Variants in BZW2 observed in about 807,000 individuals in gnomAD.
BZW2 encodes eIF5-mimic protein 1.
In BZW2, 23 loss-of-function variants were observed where a neutral mutation model predicts 53.2. That is an observed-to-expected ratio of 0.43 (90% CI 0.31 to 0.61). The LOEUF is 0.61. Ranked by LOEUF, BZW2 falls within the 20% of genes least tolerant of loss-of-function variation. The pLI, the probability that BZW2 is intolerant of heterozygous loss-of-function variation, is 0.09. For missense variants in BZW2, 409 were observed against 503.1 expected (o/e 0.81, Z 1.79); for synonymous variants, 227 against 186.4 (o/e 1.22, Z -1.77).
chr7:16,694,007 G>A (rs1193186320), intron 7 of BZW2, among the ~76,000 whole-genome samples: 1 of 152,110 alleles, frequency 6.6e-6, no homozygotes, highest in East Asian at 1.9e-4. Flanking sequence ...CAAAAGCTTG[G>A]ATATATTTTT....
intron 3 of BZW2, 140 bp downstream of exon 3, chr7:16,674,728 C>A: frequency 1.3e-6 from 1 of 774,328 alleles, no homozygotes; most frequent in Non-Finnish European, 1.9e-6. Flanking sequence ...ATAATTTTAC[C>A]TGGTTTAGGA....
At chr7:16,663,531 A>G (rs1316187398) in intron 1 of BZW2, among the ~76,000 whole-genome samples, 4 of 152,272 alleles carry the variant, frequency 2.6e-5, no homozygotes, top group South Asian at 2.1e-4. Context: ...ATGTGAAGCT[A>G]CAAGTTTCTC....
intron 3 of BZW2, among the ~76,000 whole-genome samples, chr7:16,678,819 C>G (rs59800459): frequency 4.7e-4 from 71 of 151,650 alleles, no homozygotes; most frequent in African/African-American, 1.6e-3. Flanking sequence ...AGCTGGGTCT[C>G]GGGGGGTGAC....
intron 7 of BZW2, 33 bp from the exon 8 acceptor site, chr7:16,694,801 T>C: frequency 6.9e-7 from 1 of 1,454,874 alleles, no homozygotes; most frequent in Non-Finnish European, 9.2e-7. Context: ...TTTGAATGGC[T>C]TGTTTTATAG....
chr7:16,692,765 A>G (rs530201342), intron 7 of BZW2, among the ~76,000 whole-genome samples: 1 of 152,268 alleles, frequency 6.6e-6, no homozygotes, highest in African/African-American at 2.4e-5. Flanking sequence ...CTCCGTCTCA[A>G]AACAAAACAA....
intron 1 of BZW2, among the ~76,000 whole-genome samples, chr7:16,648,268 T>C (rs1781915782): frequency 6.6e-6 from 1 of 152,232 alleles, no homozygotes; most frequent in African/African-American, 2.4e-5. Context: ...ATATTGAGTA[T>C]TTAGTCTGTG....
At chr7:16,654,165 G>A (rs1236730254) in intron 1 of BZW2, among the ~76,000 whole-genome samples, 3 of 150,852 alleles carry the variant, frequency 2.0e-5, no homozygotes, top group Non-Finnish European at 4.4e-5. Context: ...GGGAGGCAGA[G>A]TTTGCAGTGA....
intron 7 of BZW2, among the ~76,000 whole-genome samples, chr7:16,691,167 C>A (rs1227680702): frequency 2.0e-5 from 3 of 152,144 alleles, no homozygotes; most frequent in Non-Finnish European, 4.4e-5. Flanking sequence ...AGTCTAGATT[C>A]TAGTTCATAA....
At chr7:16,681,452 A>G in intron 4 of BZW2, 48 bp downstream of exon 4, 2 of 1,479,220 alleles carry the variant, frequency 1.4e-6, no homozygotes, top group South Asian at 1.2e-5. Context: ...ACTGAGGAAA[A>G]CTCTATAGAA....
chr7:16,698,232 C>A (rs1783563185), intron 10 of BZW2, 46 bp downstream of exon 10: 1 of 1,610,572 alleles, frequency 6.2e-7, no homozygotes, highest in Non-Finnish European at 8.5e-7. Flanking sequence ...TTTGCTGAAG[C>A]TCTTTGAGAG....
chr7:16,648,752 G>A (rs763606545), intron 1 of BZW2, among the ~76,000 whole-genome samples: 3 of 152,032 alleles, frequency 2.0e-5, no homozygotes, highest in Non-Finnish European at 4.4e-5. Flanking sequence ...CCAACCTGCC[G>A]GTAATTTCCA....
intron 2 of BZW2, among the ~76,000 whole-genome samples, chr7:16,667,293 C>CAAAAAAAAAAAAAAAAA (rs574426507): frequency 8.1e-6 from 1 of 124,082 alleles, no homozygotes. Context: ...AAAAAAAAAA[C>CAAAAAAAAAAAAAAAAA]AAAAAAAAAA....
intron 1 of BZW2, among the ~76,000 whole-genome samples, chr7:16,660,272 G>A (rs1467455642): frequency 2.0e-5 from 3 of 151,718 alleles, no homozygotes; most frequent in Admixed American, 6.6e-5. Context: ...AAAATTAGCC[G>A]GGCCTGGTAG....
intron 7 of BZW2, among the ~76,000 whole-genome samples, chr7:16,692,009 C>T (rs1422768845): frequency 6.6e-6 from 1 of 152,076 alleles, no homozygotes; most frequent in Non-Finnish European, 1.5e-5. Context: ...CTATGCCTGC[C>T]TGATATTTGT....
Position 16,704,044 on chromosome 7 carries a change from C to T in BZW2, c.1109-503C>T, listed in dbSNP as rs1459667731. Reference sequence around the variant, plus strand: ...ATAGCCCAGAAGTTCCTCTTTATATCTAATTGCTAACATCATTATTGCATA... The same window carrying T: ...ATAGCCCAGAAGTTCCTCTTTATATTTAATTGCTAACATCATTATTGCATA... On this transcript the variant is annotated intron_variant, in intron 10 of 11. Transcript: ENST00000258761. Among the ~76,000 whole-genome samples, 4 of 152,106 alleles carry T rather than the reference C, an allele frequency of 2.6e-5. No individual in the cohort carries two copies. In the South Asian group the frequency reaches 8.3e-4, roughly 32 times the overall value.
intron 9 of BZW2, 131 bp downstream of exon 9, chr7:16,697,192 C>T: frequency 6.6e-6 from 7 of 1,054,270 alleles, no homozygotes; most frequent in Non-Finnish European, 4.0e-6. Context: ...TGGGCTCAAG[C>T]CACCCTCCCT....
At chr7:16,673,978 C>T (rs1460628474) in intron 2 of BZW2, among the ~76,000 whole-genome samples, 1 of 152,218 alleles carries the variant, frequency 6.6e-6, no homozygotes, top group East Asian at 1.9e-4. Context: ...CTGCTCACCG[C>T]AACCTCCACC....
In BZW2 at chr7:16,657,129, G is replaced by A. The variant is rs555017841; in HGVS notation, c.-7-8308G>A. Among the ~76,000 whole-genome samples, 11 of 152,244 alleles carry A rather than the reference G, an allele frequency of 7.2e-5. No individual in the cohort carries two copies. The South Asian group carries it at 2.1e-3, about 29-fold the overall frequency. On this transcript the variant is annotated intron_variant, in intron 1 of 11. Transcript: ENST00000258761. ...ATTGCTCGTGACTCTTTGAGAATTG[G>A]TTTGAACTTCAAAAGAGGTTAAAAC... is the stretch of plus-strand genomic sequence containing the variant.
chr7:16,678,282 C>T (rs1782829645), intron 3 of BZW2, among the ~76,000 whole-genome samples: 1 of 151,830 alleles, frequency 6.6e-6, no homozygotes, highest in South Asian at 2.1e-4. Flanking sequence ...GTCTCGAACT[C>T]CTGACCTCAG....
Sources: allele counts gnomAD v4.1 joint callset (sites outside exome capture counted in the v4.1 genomes callset), GRCh38; gene constraint gnomAD v4.1.1; transcripts MANE v1.5; gene names NCBI Gene and HGNC (gene_info 2026-07-23, HGNC 2026-07-21).